Variants in ENOX1 observed in about 807,000 individuals in gnomAD.
ENOX1 encodes the protein candidate growth-related and time keeping constitutive hydroquinone (NADH) oxidase.
A neutral mutation model predicts 82.5 loss-of-function variants in ENOX1; 42 were observed. The ratio of observed to expected loss-of-function variants is 0.51; its 90% CI spans 0.40 to 0.66. The LOEUF is 0.66. ENOX1 is among the 30% of genes least tolerant of loss of function. The probability of loss-of-function intolerance (pLI) is 0.00; values close to 1 mark genes in which losing one functional copy is unlikely to be tolerated. For missense variants in ENOX1, 608 were observed against 811.6 expected, an observed-to-expected ratio of 0.75 and a Z score of 3.05; for synonymous variants, 271 against 282.2, an observed-to-expected ratio of 0.96 and a Z score of 0.40.
intron 14 of ENOX1, among the ~76,000 whole-genome samples, chr13:43,258,983 G>A (rs2043906283): frequency 6.6e-6 from 1 of 152,164 alleles, no homozygotes; most frequent in African/African-American, 2.4e-5. Flanking sequence ...AGCTCCATGT[G>A]GGGGCAGAAA....
At chr13:43,727,022 G>A (rs1051818646) in intron 1 of ENOX1, among the ~76,000 whole-genome samples, 3 of 152,208 alleles carry the variant, frequency 2.0e-5, no homozygotes, top group South Asian at 2.1e-4. Context: ...GATTACAGGC[G>A]TGTGCATGGA....
intron 2 of ENOX1, among the ~76,000 whole-genome samples, chr13:43,492,249 C>T (rs1239947977): frequency 1.3e-5 from 2 of 152,080 alleles, no homozygotes; most frequent in Non-Finnish European, 2.9e-5. Flanking sequence ...TATATTCTGC[C>T]CCAGTTGAGC....
At chr13:43,499,306 T>C (rs2076898197) in intron 2 of ENOX1, among the ~76,000 whole-genome samples, 1 of 152,058 alleles carries the variant, frequency 6.6e-6, no homozygotes, top group Non-Finnish European at 1.5e-5. Context: ...GTATAGACTA[T>C]AGTTAATTGT....
At chr13:43,665,253 T>C (rs554168061) in intron 2 of ENOX1, among the ~76,000 whole-genome samples, 1 of 152,284 alleles carries the variant, frequency 6.6e-6, no homozygotes, top group African/African-American at 2.4e-5. Context: ...TTCCTGGAAG[T>C]AACAGTAGAC....
chr13:43,711,133 T>C (rs186681785), intron 1 of ENOX1, among the ~76,000 whole-genome samples: 77 of 139,952 alleles, frequency 5.5e-4, no homozygotes, highest in African/African-American at 1.9e-3. Flanking sequence ...TGTGTTCTCA[T>C]TGTTCAATTC....
chr13:43,344,827 C>T (rs1272617286), intron 8 of ENOX1, 77 bp from the exon 9 acceptor site: 18 of 1,444,594 alleles, frequency 1.2e-5, no homozygotes, highest in Non-Finnish European at 1.6e-5. Context: ...TCTCAAAAGA[C>T]AGAGCATAGT....
chr13:43,738,736 A>AG (rs2089752225), intron 1 of ENOX1, among the ~76,000 whole-genome samples: 1 of 149,612 alleles, frequency 6.7e-6, no homozygotes, highest in South Asian at 2.2e-4. Context: ...TTGTTCCCAA[A>AG]CTCTGAAACC....
chr13:43,675,995 T>C (rs1019677086), intron 1 of ENOX1, among the ~76,000 whole-genome samples: 1 of 152,236 alleles, frequency 6.6e-6, no homozygotes, highest in African/African-American at 2.4e-5. Context: ...TTAAGGTATA[T>C]TGTGGCATAG....
In ENOX1 at chr13:43,694,032, C is replaced by A. The variant is rs1380950423; in HGVS notation, c.-284-26488G>T. Among the ~76,000 whole-genome samples the A allele has an allele frequency of 2.0e-5, 3 of 152,008 alleles. No homozygotes were observed. In the East Asian group the frequency reaches 5.8e-4, roughly 29 times the overall value. On this transcript the variant is annotated intron_variant, in intron 1 of 16. Coordinates refer to ENST00000690772, the MANE Select transcript of ENOX1 (RefSeq NM_001347969.2). ...TTTATAGTGACCTTTTAATGTTTACCTTAGAGCTGCTAATCCGATGTAAAT... is the reference window on the plus strand; with the variant it reads ...TTTATAGTGACCTTTTAATGTTTACATTAGAGCTGCTAATCCGATGTAAAT...
At chr13:43,779,852 C>T (rs1268669471) in intron 1 of ENOX1, among the ~76,000 whole-genome samples, 3 of 152,142 alleles carry the variant, frequency 2.0e-5, no homozygotes, top group Non-Finnish European at 4.4e-5. Context: ...TGAGCAGCAA[C>T]TGTGCCTTAG....
intron 5 of ENOX1, among the ~76,000 whole-genome samples, chr13:43,365,722 A>G (rs1192509285): frequency 6.6e-6 from 1 of 152,242 alleles, no homozygotes; most frequent in Admixed American, 6.5e-5. Context: ...GGAAGGAGAT[A>G]GACCCCTCAG....
chr13:43,737,850 C>T (rs1048262771), intron 1 of ENOX1, among the ~76,000 whole-genome samples: 6 of 152,116 alleles, frequency 3.9e-5, no homozygotes, highest in Non-Finnish European at 8.8e-5. Context: ...ACAATGGGCC[C>T]TTACACAGCA....
intron 3 of ENOX1, among the ~76,000 whole-genome samples, chr13:43,416,812 G>A (rs999241519): frequency 1.3e-5 from 2 of 152,082 alleles, no homozygotes; most frequent in African/African-American, 4.8e-5. Context: ...ATGGGGTGGC[G>A]GCCGGGCAGA....
chr13:43,378,447 A>G (rs1231110023), intron 5 of ENOX1, among the ~76,000 whole-genome samples: 1 of 152,244 alleles, frequency 6.6e-6, no homozygotes, highest in African/African-American at 2.4e-5. Flanking sequence ...TGTGTGATAA[A>G]ACTACACTAA....
chr13:43,465,788 C>T (rs1388389915), intron 3 of ENOX1, among the ~76,000 whole-genome samples: 1 of 152,166 alleles, frequency 6.6e-6, no homozygotes, highest in African/African-American at 2.4e-5. Context: ...TCCAGCATTA[C>T]AGGGTTTGTT....
chr13:43,508,065 G>C (rs1391005811), intron 2 of ENOX1, among the ~76,000 whole-genome samples: 1 of 151,886 alleles, frequency 6.6e-6, no homozygotes, highest in Non-Finnish European at 1.5e-5. Flanking sequence ...TTAAAGGGAG[G>C]AGTTATAGAA....
chr13:43,421,896 C>T (rs910094538), intron 3 of ENOX1, among the ~76,000 whole-genome samples: 2 of 144,832 alleles, frequency 1.4e-5, no homozygotes, highest in Non-Finnish European at 3.0e-5. Flanking sequence ...AAATATTTTA[C>T]ATGTAATTTC....
At chr13:43,677,606 C>T (rs2085572359) in intron 1 of ENOX1, among the ~76,000 whole-genome samples, 1 of 152,176 alleles carries the variant, frequency 6.6e-6, no homozygotes, top group African/African-American at 2.4e-5. Flanking sequence ...CACTTGATAC[C>T]TTGAGGTGCC....
At chr13:43,260,098 C>T (rs564810165) in intron 14 of ENOX1, among the ~76,000 whole-genome samples, 4 of 152,176 alleles carry the variant, frequency 2.6e-5, no homozygotes, top group East Asian at 1.9e-4. Context: ...GGTTCCCTCA[C>T]ATACATCATT....
Sources: allele counts gnomAD v4.1 joint callset (sites outside exome capture counted in the v4.1 genomes callset), GRCh38; gene constraint gnomAD v4.1.1; transcripts MANE v1.5; gene names NCBI Gene and HGNC (gene_info 2026-07-23, HGNC 2026-07-21).